Variants in CD99L2 observed in about 807,000 individuals in gnomAD.
CD99L2 encodes the protein CD99 antigen-like protein 2.
Under a neutral mutation model 27.3 loss-of-function variants are expected in CD99L2, and 24 were observed. That is an observed-to-expected ratio of 0.88 (90% CI 0.64 to 1.24). The LOEUF (loss-of-function observed/expected upper bound fraction) is 1.24. CD99L2 is among the 50% of genes most tolerant of loss of function. The pLI, the probability that CD99L2 is intolerant of heterozygous loss-of-function variation, is 0.00. For missense variants in CD99L2, 255 were observed against 221.6 expected, an observed-to-expected ratio of 1.15 and a Z score of -0.96; for synonymous variants, 97 against 87.9, an observed-to-expected ratio of 1.10 and a Z score of -0.58.
chrX:150,862,054 T>G (rs1557421922), intron 1 of CD99L2, among the ~76,000 whole-genome samples: 2 of 111,950 alleles, frequency 1.8e-5, no homozygotes, highest in Non-Finnish European at 3.8e-5. Context: ...AATAACAAGT[T>G]TTGAAATTGA....
At chrX:150,812,660 T>A (rs2046089429) in intron 4 of CD99L2, among the ~76,000 whole-genome samples, 1 of 112,636 alleles carries the variant, frequency 8.9e-6, no homozygotes, top group Admixed American at 9.4e-5. Context: ...ACTAAACATG[T>A]AACTACCATG....
chrX:150,820,241 C>G (rs953407163), intron 2 of CD99L2, among the ~76,000 whole-genome samples: 1 of 104,333 alleles, frequency 9.6e-6, no homozygotes, highest in Non-Finnish European at 2.0e-5. Flanking sequence ...AATGTACTAT[C>G]CCATATTAAT....
chrX:150,813,472 A>C (rs868963870), intron 4 of CD99L2, among the ~76,000 whole-genome samples: 1 of 112,065 alleles, frequency 8.9e-6, no homozygotes, highest in Non-Finnish European at 1.9e-5. Context: ...CATTTTGTCA[A>C]AAAAGTTTTG....
At chrX:150,770,212 CTG>C in intron 10 of CD99L2, 90 bp downstream of exon 10, 1 of 880,481 alleles carries the variant, frequency 1.1e-6, no homozygotes, top group Non-Finnish European at 1.7e-6. Flanking sequence ...GCAGACGCCT[CTG>C]TGCTTCCCTG....
At chrX:150,824,309 AGGAG>A (rs1569566001) in intron 2 of CD99L2, among the ~76,000 whole-genome samples, 9 of 90,995 alleles carry the variant, frequency 9.9e-5, no homozygotes, top group African/African-American at 2.1e-4. Flanking sequence ...GAAGAAGAGG[AGGAG>A]GAGGAGGAGG....
At position 150,866,100 on chromosome X, in the gene CD99L2, G is replaced by A. The variant is rs781914579; in HGVS notation, c.67+32422C>T. ...ATTGTGCCACTGCACTCCAGCCTGG[G>A]CAACAGAGTGAGACCCTGTCTCAAA... On this transcript the variant is annotated intron_variant, in intron 1 of 10. Coordinates refer to ENST00000370377, the MANE Select transcript of CD99L2 (RefSeq NM_031462.4). 9.8e-5 allele frequency among the ~76,000 whole-genome samples: 11 copies of A among 111,980 alleles called. No homozygotes were observed. In the South Asian group the frequency reaches 3.7e-3, roughly 38 times the overall value.
rs991015529 is a variant in CD99L2, at chrX:150,768,729, G to C, written c.*305C>G. ...AGGCCTCAGCATCATCTTGGCCCCC[G>C]CATCCTGTGCTCAGTAAAGCTGGAG... is the stretch of plus-strand genomic sequence containing the variant. On this transcript the variant is annotated 3_prime_UTR_variant, in exon 11 of 11. Transcript: ENST00000370377. 3.0e-6 allele frequency: 1 copy of C among 332,208 alleles called. No individual in the cohort carries two copies. The highest frequency in any genetic ancestry group is 1.3e-4 in the South Asian group (1 of 7,824). 27.4% of individuals were successfully genotyped at this position (332,208 alleles called of 1,213,427 possible).
intron 2 of CD99L2, among the ~76,000 whole-genome samples, chrX:150,823,206 A>C (rs2046266350): frequency 8.9e-6 from 1 of 112,404 alleles, no homozygotes; most frequent in Admixed American, 9.4e-5. Context: ...GAATGGACTA[A>C]CACAATGTCT....
At chrX:150,792,064 G>T (rs1176303261) in intron 7 of CD99L2, among the ~76,000 whole-genome samples, 2 of 111,771 alleles carry the variant, frequency 1.8e-5, no homozygotes, top group Non-Finnish European at 3.8e-5. Context: ...CAGTGTCTGA[G>T]AATTCCATGG....
chrX:150,890,724 A>C (rs1407348817), intron 1 of CD99L2, among the ~76,000 whole-genome samples: 1 of 110,221 alleles, frequency 9.1e-6, no homozygotes, highest in Non-Finnish European at 1.9e-5. Flanking sequence ...CCTCGTCCTC[A>C]GCGAAGGGGC....
rs782652746 is a variant in CD99L2 at position 150,806,797 on chromosome X, A to G, written c.277+8065T>C. Among the ~76,000 whole-genome samples the G allele has an allele frequency of 3.6e-5, 4 of 111,044 alleles. No homozygotes were observed. In the East Asian group the frequency reaches 1.1e-3, roughly 32 times the overall value. ...TCCCAGCTACTTGGGAGGCTGAGGC[A>G]GGAGAATCGCTTGAACCCTGGAGGC... On this transcript the variant is annotated intron_variant, in intron 4 of 10. Transcript: ENST00000370377.
chrX:150,881,815 A>AT (rs59133869), intron 1 of CD99L2, among the ~76,000 whole-genome samples: 8,129 of 89,326 alleles, frequency 0.091, 801 homozygotes, highest in African/African-American at 0.25. Flanking sequence ...ACTCTTTCCA[A>AT]TTTTTTTTTT....
intron 1 of CD99L2, among the ~76,000 whole-genome samples, chrX:150,889,394 T>C (rs1439172061): frequency 3.6e-5 from 4 of 110,313 alleles, no homozygotes; most frequent in Non-Finnish European, 7.6e-5. Context: ...CAGTTTTTTT[T>C]CCCCCACATT....
chrX:150,772,284 C>T (rs1301943321), intron 9 of CD99L2, among the ~76,000 whole-genome samples: 1 of 112,630 alleles, frequency 8.9e-6, no homozygotes, highest in Non-Finnish European at 1.9e-5. Context: ...AGCTGGGAGT[C>T]GCACACTCAG....
intron 8 of CD99L2, among the ~76,000 whole-genome samples, chrX:150,776,539 G>T (rs936548058): frequency 8.9e-6 from 1 of 111,869 alleles, no homozygotes. Flanking sequence ...AGGGAGACAC[G>T]GAAATGGTGC....
chrX:150,836,842 G>A (rs1444610348), intron 1 of CD99L2, among the ~76,000 whole-genome samples: 5 of 111,481 alleles, frequency 4.5e-5, no homozygotes, highest in Admixed American at 9.5e-5. Context: ...AATACTGTAG[G>A]CAACTATAAC....
chrX:150,818,199 C>CAAATATATATAT (rs1330665475), intron 2 of CD99L2, among the ~76,000 whole-genome samples: 2 of 30,600 alleles, frequency 6.5e-5, no homozygotes, highest in African/African-American at 1.1e-4. Context: ...AACAAGTAGG[C>CAAATATATATAT]AGATATATAT....
intron 1 of CD99L2, among the ~76,000 whole-genome samples, chrX:150,863,579 GTTTT>G (rs782735005): frequency 4.2e-3 from 462 of 111,142 alleles, no homozygotes; most frequent in Non-Finnish European, 6.1e-3. Flanking sequence ...TTCTTTTGGT[GTTTT>G]TTTGTTTGTT....
intron 2 of CD99L2, among the ~76,000 whole-genome samples, 155 bp downstream of exon 2, chrX:150,831,076 T>C (rs782753998): frequency 1.8e-5 from 2 of 111,841 alleles, no homozygotes; most frequent in Admixed American, 1.9e-4. Context: ...CCCAAATTGC[T>C]GGGATTACAG....
Sources: allele counts gnomAD v4.1 joint callset (sites outside exome capture counted in the v4.1 genomes callset), GRCh38; gene constraint gnomAD v4.1.1; transcripts MANE v1.5; gene names NCBI Gene and HGNC (gene_info 2026-07-23, HGNC 2026-07-21).